The following AMZ1 variants were observed in gnomAD, a reference collection of about 807,000 sequenced individuals.
AMZ1 encodes the protein archaemetzincin-1.
In AMZ1, 39 loss-of-function variants were observed where a neutral mutation model predicts 29.9. The ratio of observed to expected loss-of-function variants is 1.30; its 90% CI spans 1.01 to 1.70. The LOEUF (loss-of-function observed/expected upper bound fraction) is 1.70. Ranked by LOEUF, AMZ1 falls within the 40% of genes most tolerant of loss-of-function variation. The probability of loss-of-function intolerance (pLI) is 0.00; values close to 1 mark genes in which losing one functional copy is unlikely to be tolerated. For synonymous variants in AMZ1, 458 were observed against 304.0 expected (o/e 1.51, Z -5.27); for missense variants, 1,041 against 680.6 (o/e 1.53, Z -5.89).
At chr7:2,749,405 G>T (rs1036729776) in intron 4 of AMZ1, among the ~76,000 whole-genome samples, 5 of 151,256 alleles carry the variant, frequency 3.3e-5, no homozygotes, top group Admixed American at 2.0e-4. Context: ...GCAAACTATT[G>T]CAAGGACAAA....
intron 4 of AMZ1, among the ~76,000 whole-genome samples, chr7:2,754,078 C>T (rs1420708730): frequency 6.6e-6 from 1 of 152,178 alleles, no homozygotes; most frequent in East Asian, 1.9e-4. Flanking sequence ...ACCCTTTTAC[C>T]TCCCCACCAG....
At chr7:2,764,857 T>C (rs566552285) in exon 1 of AMZ1, 1 of 152,318 alleles carries the variant, frequency 6.6e-6, no homozygotes, top group Admixed American at 6.5e-5. Context: ...CCTCGTCCTC[T>C]TAGTGAATGA....
intron 1 of AMZ1, among the ~76,000 whole-genome samples, chr7:2,689,761 C>T (rs556630572): frequency 3.3e-5 from 5 of 152,352 alleles, no homozygotes; most frequent in Admixed American, 2.0e-4. Context: ...GAGGGGGACA[C>T]ACTGTGACAG....
At position 2,702,777 on chromosome 7, in the gene AMZ1, A is replaced by G. The variant is rs61738701; in HGVS notation, c.360A>G (p.Thr120=). ...TGCTGCACCAGCTGTGCAGCTGCAC[A>G]GAGGCCTTCTTCCTGGGCCTGCGCG... is the stretch of plus-strand genomic sequence containing the variant. ...SSLLHQLCSC[T]EAFFLGLRVK... is the part of the protein sequence containing the mutation. The change falls in exon 3 of 7, where the codon ACA becomes ACG. Residue 120 remains threonine, a synonymous_variant. Transcript: ENST00000683327. The G allele has an allele frequency of 7.7e-3, 11,906 of 1,544,256 alleles. 791 individuals carry two copies. In the African/African-American group the frequency reaches 0.14, roughly 18 times the overall value.
Position 2,725,426 on chromosome 7 carries a change from A to G in AMZ1, n.550+15610A>G, listed in dbSNP as rs138183921. On this transcript the variant is annotated intron_variant and non_coding_transcript_variant, in intron 4 of 4. Transcript: ENST00000489665. ...TGAGCTTCCACCCGAGGAGATGCCA[A>G]TACTGCAGCCCAGAAATCCAATGCG... Among the ~76,000 whole-genome samples the G allele has an allele frequency of 2.7e-3, 417 of 152,348 alleles. 2 individuals carry two copies. Among genetic ancestry groups the G allele is most frequent in the Non-Finnish European group, 9.3e-4 (63 of 68,020 alleles).
intron 4 of AMZ1, 97 bp from the exon 5 acceptor site, chr7:2,708,978 T>C (rs1307045176): frequency 5.6e-6 from 8 of 1,423,868 alleles, no homozygotes; most frequent in Admixed American, 5.2e-5. Context: ...CTTTGGGCCA[T>C]GGCCAGCTTG....
intron 4 of AMZ1, among the ~76,000 whole-genome samples, chr7:2,759,088 C>T (rs931062133): frequency 2.7e-5 from 4 of 150,528 alleles, no homozygotes; most frequent in East Asian, 2.0e-4. Flanking sequence ...TGCAATGAGC[C>T]GAGATTACAC....
At chr7:2,747,201 G>A (rs1206381826) in intron 4 of AMZ1, among the ~76,000 whole-genome samples, 2 of 152,100 alleles carry the variant, frequency 1.3e-5, no homozygotes, top group Admixed American at 1.3e-4. Flanking sequence ...ACCAAAGCCT[G>A]GCAGAGACAC....
At position 2,708,688 on chromosome 7, in the gene AMZ1, C is replaced by T. The variant is rs765243933; in HGVS notation, c.573C>T (p.Phe191=). Residue 191 remains phenylalanine, a synonymous_variant, in exon 4 of 7, where the codon TTC becomes TTT. Coordinates refer to ENST00000683327, the MANE Select transcript of AMZ1 (RefSeq NM_001384743.1). The part of the protein sequence containing the change: ...SDLYPHEAWS[F]TFSKFLPGHE... ...TGTACCCCCATGAGGCCTGGAGCTT[C>T]ACCTTCAGCAAGTTCCTTCCAGGGC... 1.4e-5 allele frequency: 22 copies of T among 1,613,100 alleles called. No individual in the cohort carries two copies. Among genetic ancestry groups the T allele is most frequent in the Non-Finnish European group, 1.8e-5 (21 of 1,180,006 alleles).
chr7:2,720,307 G>A (rs76613980), downstream of AMZ1, among the ~76,000 whole-genome samples: 352 of 152,288 alleles, frequency 2.3e-3, no homozygotes, highest in African/African-American at 7.7e-3. Flanking sequence ...TTCACTCCCC[G>A]TTTCCATGTC....
At position 2,709,737 on chromosome 7, in the gene AMZ1, G is replaced by T. The variant is rs200004410; in HGVS notation, c.869G>T (p.Arg290Leu). 1.4e-5 allele frequency: 22 copies of T among 1,611,446 alleles called. No individual in the cohort carries two copies. The highest frequency in any genetic ancestry group is 1.7e-5 in the Non-Finnish European group (20 of 1,179,866). ...QGALSLDEAL[R>L]RPLDLCPICL... is the part of the protein sequence containing the mutation. Reference sequence around the variant, plus strand: ...GCGCTCAGCCTGGACGAGGCCCTGCGGCGGCCCCTGGACCTCTGTCCCATC... The same window carrying T: ...GCGCTCAGCCTGGACGAGGCCCTGCTGCGGCCCCTGGACCTCTGTCCCATC... Residue 290 changes from arginine to leucine, a missense_variant, in exon 6 of 7, where the codon CGG becomes CTG. Physicochemically the swap from Arg to Leu is moderately radical, Grantham distance 102. Transcript: ENST00000683327.
Position 2,700,446 on chromosome 7 carries a change from C to G in AMZ1, c.-6C>G. On this transcript the variant is annotated 5_prime_UTR_variant, in exon 2 of 7. Transcript: ENST00000683327. ...CCCAGGAGTGGCCAGGCCCTGCCCG[C>G]CCACCATGCTGCAGTGTAGACCCGC... The G allele has an allele frequency of 6.3e-7, 1 of 1,594,750 alleles. No homozygotes were observed. Among genetic ancestry groups the G allele is most frequent in the Non-Finnish European group, 8.5e-7 (1 of 1,176,148 alleles).
Position 2,719,514 on chromosome 7 carries a change from GCA to G in AMZ1, c.*6639_*6640del, listed in dbSNP as rs1227572016. ...GCTTTGATCACCGCTCGATTGTATG[GCA>G]CAGTTATTTTTAAAAATCCAGTCCA... On this transcript the variant is annotated 3_prime_UTR_variant, in exon 7 of 7. Transcript: ENST00000683327. Among the ~76,000 whole-genome samples the G allele has an allele frequency of 2.0e-5, 3 of 152,166 alleles. No individual in the cohort carries two copies. Among genetic ancestry groups the G allele is most frequent in the Non-Finnish European group, 2.9e-5 (2 of 68,038 alleles).
chr7:2,679,629 C>T (rs1322205371), exon 1 of AMZ1: 1 of 152,314 alleles, frequency 6.6e-6, no homozygotes, highest in Non-Finnish European at 1.5e-5. Flanking sequence ...CCACTGCCCT[C>T]GTCCCCAGCC....
chr7:2,718,262 G>A lies in AMZ1; in HGVS notation c.*5384G>A, dbSNP rs1789244811. Among the ~76,000 whole-genome samples, 1 of 152,232 alleles carries A rather than the reference G, an allele frequency of 6.6e-6. No individual in the cohort carries two copies. The highest frequency in any genetic ancestry group is 1.5e-5 in the Non-Finnish European group (1 of 68,038). Reference sequence around the variant, plus strand: ...CGAGAGCTCTGGCTCTCCTGACTGTGGGCCCAGTGTCCATTTTCTCTCTCA... The same window carrying A: ...CGAGAGCTCTGGCTCTCCTGACTGTAGGCCCAGTGTCCATTTTCTCTCTCA... On this transcript the variant is annotated 3_prime_UTR_variant, in exon 7 of 7. Coordinates refer to ENST00000683327, the MANE Select transcript of AMZ1 (RefSeq NM_001384743.1).
rs750796278 is a variant in AMZ1 at position 2,709,829 on chromosome 7, G to T, written c.948+13G>T. On this transcript the variant is annotated intron_variant, in intron 6 of 6. Transcript: ENST00000683327. ...CGAGAGGTACCAGGTGAGTGGCTGA[G>T]TTGCGCTGCCCGGCTGCTGGGACCT... 4 of 1,610,850 alleles carry T rather than the reference G, an allele frequency of 2.5e-6. No homozygotes were observed. Among genetic ancestry groups the T allele is most frequent in the Admixed American group, 1.7e-5 (1 of 59,802 alleles).
chr7:2,680,573 C>T (rs942148284), intron 1 of AMZ1, among the ~76,000 whole-genome samples: 1 of 152,220 alleles, frequency 6.6e-6, no homozygotes, highest in South Asian at 2.1e-4. Flanking sequence ...GGAGTAGGGG[C>T]TCCGTCCTCA....
chr7:2,695,700 G>C (rs560098519), intron 1 of AMZ1, among the ~76,000 whole-genome samples: 1 of 150,574 alleles, frequency 6.6e-6, no homozygotes, highest in South Asian at 2.1e-4. Flanking sequence ...AAAACAGGGA[G>C]ATCCTGTCTC....
intron 4 of AMZ1, among the ~76,000 whole-genome samples, chr7:2,743,180 G>A (rs989453939): frequency 3.9e-5 from 6 of 152,170 alleles, no homozygotes; most frequent in Non-Finnish European, 7.3e-5. Flanking sequence ...CCCCTGAACC[G>A]TATATATGGG....
Sources: allele counts gnomAD v4.1 joint callset (sites outside exome capture counted in the v4.1 genomes callset), GRCh38; gene constraint gnomAD v4.1.1; transcripts MANE v1.5; gene names NCBI Gene and HGNC (gene_info 2026-07-23, HGNC 2026-07-21).